Variants in CHD1L observed in about 807,000 individuals in gnomAD.
CHD1L encodes the protein chromodomain helicase DNA binding protein 1 like.
In CHD1L, 118 loss-of-function variants were observed where a neutral mutation model predicts 115.9. That is an observed-to-expected ratio of 1.02 (90% confidence interval 0.88 to 1.19). The LOEUF is 1.19. CHD1L is among the 50% of genes most tolerant of loss of function. The probability of loss-of-function intolerance (pLI) is 0.00; values close to 1 mark genes in which losing one functional copy is unlikely to be tolerated. For synonymous variants in CHD1L, 411 were observed against 387.1 expected, an observed-to-expected ratio of 1.06 and a Z score of -0.72; for missense variants, 1,179 against 1,065.3, an observed-to-expected ratio of 1.11 and a Z score of -1.49.
chr1:147,201,305 T>C, the CHD1L span: 1 of 1,614,186 alleles, frequency 6.2e-7, no homozygotes, highest in Non-Finnish European at 8.5e-7. Context: ...TTGACCACTT[T>C]GACGGAATCT....
chr1:147,246,154 G>A (rs1432198088), intron 1 of CHD1L, among the ~76,000 whole-genome samples: 12 of 152,268 alleles, frequency 7.9e-5, no homozygotes, highest in African/African-American at 2.9e-4. Context: ...CATACAATAT[G>A]TAGCCTTTGG....
At chr1:147,175,284 A>G in the CHD1L span, 1 of 152,238 alleles carries the variant, frequency 6.6e-6, no homozygotes, top group Admixed American at 6.5e-5. Context: ...CTGTAAACAC[A>G]TATATGTCTT....
chr1:147,179,031 C>G, the CHD1L span: 5 of 1,613,620 alleles, frequency 3.1e-6, no homozygotes, highest in African/African-American at 5.3e-5. Context: ...GCCGCAAAAC[C>G]TTTAGCCATG....
chr1:147,278,222 GTTTTT>G (rs71083825), intron 14 of CHD1L, among the ~76,000 whole-genome samples: 46 of 91,166 alleles, frequency 5.0e-4, no homozygotes, highest in African/African-American at 2.0e-3. Context: ...TGTTTTTTGG[GTTTTT>G]TTTTTTTTTT....
chr1:147,177,294 A>T, the CHD1L span, among the ~76,000 whole-genome samples: 1 of 152,244 alleles, frequency 6.6e-6, no homozygotes, highest in East Asian at 1.9e-4. Flanking sequence ...GAATAATTCA[A>T]AAAATAAGTA....
intron 11 of CHD1L, 194 bp downstream of exon 11, chr1:147,271,199 C>CG (rs1676078331): frequency 2.1e-6 from 1 of 471,816 alleles, no homozygotes; most frequent in Admixed American, 3.3e-5. Flanking sequence ...AGAACAGGCA[C>CG]GTGGGCAGAA....
At chr1:147,268,442 G>T (rs1229189023) in intron 9 of CHD1L, among the ~76,000 whole-genome samples, 1 of 152,140 alleles carries the variant, frequency 6.6e-6, no homozygotes, top group Admixed American at 6.5e-5. Context: ...AGAGGAGGGG[G>T]TGTTGGGAAC....
intron 19 of CHD1L, among the ~76,000 whole-genome samples, chr1:147,290,127 G>A (rs1014236736): frequency 9.2e-5 from 14 of 152,176 alleles, no homozygotes; most frequent in African/African-American, 3.1e-4. Context: ...GAGTCTCATT[G>A]TCTGGAGTGC....
chr1:147,289,819 G>T (rs1684799425), intron 19 of CHD1L, among the ~76,000 whole-genome samples: 1 of 152,238 alleles, frequency 6.6e-6, no homozygotes, highest in Non-Finnish European at 1.5e-5. Flanking sequence ...AGGCCAGAGT[G>T]GAGGGTTTAG....
intron 14 of CHD1L, among the ~76,000 whole-genome samples, chr1:147,278,124 T>C (rs587619531): frequency 6.6e-6 from 1 of 152,248 alleles, no homozygotes; most frequent in South Asian, 2.1e-4. Flanking sequence ...CCCATGCAGA[T>C]GCTATGAGTT....
chr1:147,271,068 C>A, intron 11 of CHD1L, 63 bp downstream of exon 11: 2 of 1,309,574 alleles, frequency 1.5e-6, no homozygotes, highest in Non-Finnish European at 2.2e-6. Context: ...CAGATAGGTC[C>A]ATGAAGAATA....
chr1:147,208,880 C>A, the CHD1L span: 22 of 1,613,984 alleles, frequency 1.4e-5, no homozygotes, highest in Non-Finnish European at 1.8e-5. Flanking sequence ...CCAAACATTT[C>A]ATGGTCAAAC....
At chr1:147,252,563 A>T in intron 1 of CHD1L, 60 bp from the exon 2 acceptor site, 1 of 1,299,478 alleles carries the variant, frequency 7.7e-7, no homozygotes, top group Non-Finnish European at 1.1e-6. Flanking sequence ...CTCTTAGAAC[A>T]TTGCCTCTGC....
chr1:147,287,064 C>T (rs1350173116), intron 18 of CHD1L, among the ~76,000 whole-genome samples: 3 of 152,158 alleles, frequency 2.0e-5, no homozygotes, highest in African/African-American at 7.2e-5. Flanking sequence ...GTTTATTTGA[C>T]TGTTGCTTTG....
chr1:147,191,145 C>A, the CHD1L span, among the ~76,000 whole-genome samples: 1 of 152,200 alleles, frequency 6.6e-6, no homozygotes, highest in African/African-American at 2.4e-5. Context: ...AATAAACATA[C>A]GTGTGCATGT....
chr1:147,256,499 A>C (rs1670191535), intron 4 of CHD1L, 32 bp from the exon 5 acceptor site: 1 of 1,600,686 alleles, frequency 6.2e-7, no homozygotes, highest in African/African-American at 1.3e-5. Flanking sequence ...TATCAATGCC[A>C]GCCTTTATAA....
At chr1:147,246,484 T>A (rs1203834268) in intron 1 of CHD1L, among the ~76,000 whole-genome samples, 1 of 152,250 alleles carries the variant, frequency 6.6e-6, no homozygotes, top group African/African-American at 2.4e-5. Flanking sequence ...GCTGCCAAAC[T>A]GTTTCCAGAG....
Position 147,273,190 on chromosome 1 carries a change from T to C in CHD1L, c.1270+909T>C, listed in dbSNP as rs587620014. On this transcript the variant is annotated intron_variant, in intron 12 of 22. Transcript: ENST00000369258. Reference sequence around the variant, plus strand: ...TACATTCCAGCCTAAGAAATTTTTCTCAGGTCCTGGAGCAAGCTGACCTTA... The same window carrying C: ...TACATTCCAGCCTAAGAAATTTTTCCCAGGTCCTGGAGCAAGCTGACCTTA... 3.3e-5 allele frequency among the ~76,000 whole-genome samples: 5 copies of C among 152,300 alleles called. No homozygotes were observed. In the East Asian group the frequency reaches 9.7e-4, roughly 29 times the overall value.
the CHD1L span, among the ~76,000 whole-genome samples, chr1:147,235,715 G>A: frequency 6.6e-6 from 1 of 152,300 alleles, no homozygotes; most frequent in South Asian, 2.1e-4. Flanking sequence ...GAAGGTCATA[G>A]AGAGTTCTTA....
Sources: gnomAD v4.1 joint callset for allele counts (sites outside exome capture counted in the v4.1 genomes callset) on GRCh38, gnomAD v4.1.1 for gene constraint, MANE v1.5 for transcripts, NCBI Gene and HGNC (gene_info 2026-07-23, HGNC 2026-07-21) for gene names.